The following BEND4 variants were observed in gnomAD, a reference collection of about 807,000 sequenced individuals.
The protein encoded by BEND4 is BEN domain containing 4.
Under a neutral mutation model 54.7 loss-of-function variants are expected in BEND4, and 27 were observed. The ratio of observed to expected loss-of-function variants is 0.49; its 90% CI spans 0.36 to 0.68. The LOEUF is 0.68. BEND4 is among the 30% of genes least tolerant of loss of function. The pLI is 0.00. For missense variants in BEND4, 702 were observed against 697.2 expected (o/e 1.01, Z -0.08); for synonymous variants, 327 against 299.5 (o/e 1.09, Z -0.95).
At position 42,111,151 on chromosome 4, in the gene BEND4, AAAC is replaced by A. The variant is rs1249024682; in HGVS notation, c.*6364_*6366del. ...AAAAGAAATGAGCCTAACACTTAAA[AAAC>A]AACTTACTCTTCTATATAAATTGTT... On this transcript the variant is annotated 3_prime_UTR_variant, in exon 6 of 6. Coordinates refer to ENST00000502486, the MANE Select transcript of BEND4 (RefSeq NM_207406.4). 6.6e-6 allele frequency: 1 copy of A among 152,244 alleles called. No homozygotes were observed. Among genetic ancestry groups the A allele is most frequent in the African/African-American group, 2.4e-5 (1 of 41,458 alleles). 9.4% of individuals were successfully genotyped at this position (152,244 alleles called of 1,614,324 possible).
chr4:42,134,247 T>C (rs1001183909), intron 3 of BEND4, among the ~76,000 whole-genome samples: 10 of 152,214 alleles, frequency 6.6e-5, no homozygotes, highest in Admixed American at 2.6e-4. Flanking sequence ...TGCTATGTAG[T>C]TGTTTTCAAG....
chr4:42,137,828 A>C (rs968969374), intron 3 of BEND4, among the ~76,000 whole-genome samples: 3 of 152,206 alleles, frequency 2.0e-5, no homozygotes, highest in African/African-American at 7.2e-5. Context: ...GAATACCAAC[A>C]CGTATATAAA....
chr4:42,146,495 T>C (rs1192249514), intron 2 of BEND4, among the ~76,000 whole-genome samples: 6 of 152,222 alleles, frequency 3.9e-5, no homozygotes, highest in African/African-American at 1.2e-4. Context: ...ACAAAAATAT[T>C]TGGGTGCCAT....
chr4:42,141,290 CTATTTGGAGAAT>C (rs1720871742), intron 3 of BEND4, among the ~76,000 whole-genome samples: 1 of 152,252 alleles, frequency 6.6e-6, no homozygotes, highest in African/African-American at 2.4e-5. Flanking sequence ...AGCCTCAGCT[CTATTTGGAGAAT>C]TATTTTAAAT....
Position 42,117,571 on chromosome 4 carries a change from C to T in BEND4, c.1552G>A (p.Ala518Thr). 6.2e-7 allele frequency: 1 copy of T among 1,613,170 alleles called. No homozygotes were observed. The highest frequency in any genetic ancestry group is 8.5e-7 in the Non-Finnish European group (1 of 1,179,598). ...TTATTGAAGACTTCATCCTGAGAAGCCTGGTGATCGATCCCTTCATAAAAT... is the reference window on the plus strand; with the variant it reads ...TTATTGAAGACTTCATCCTGAGAAGTCTGGTGATCGATCCCTTCATAAAAT... The part of the protein sequence containing the change: ...GSFYEGIDHQ[A>T]SQDEVFNKSS... Residue 518 changes from alanine to threonine, a missense_variant, in exon 6 of 6, where the codon GCT becomes ACT. Coordinates refer to ENST00000502486, the MANE Select transcript of BEND4 (RefSeq NM_207406.4).
At chr4:42,151,568 G>C (rs1229174880) in intron 2 of BEND4, 89 bp downstream of exon 2, 20 of 1,325,142 alleles carry the variant, frequency 1.5e-5, no homozygotes, top group Admixed American at 7.4e-5. Context: ...GCACGGGTAA[G>C]TGTCGGCGGC....
rs1473320534 is a variant in BEND4, at chr4:42,113,524, G to A, written c.*3994C>T. 6.6e-6 allele frequency: 1 copy of A among 152,106 alleles called. No homozygotes were observed. The highest frequency in any genetic ancestry group is 1.5e-5 in the Non-Finnish European group (1 of 68,034). 9.4% of individuals were successfully genotyped at this position (152,106 alleles called of 1,614,324 possible). A position where few individuals can be genotyped will look rare whatever the true frequency, so the allele number is the denominator to read the frequency against. On this transcript the variant is annotated 3_prime_UTR_variant, in exon 6 of 6. Coordinates refer to ENST00000502486, the MANE Select transcript of BEND4 (RefSeq NM_207406.4). ...GCAACAAGCCATTGAGAGCGGCAGG[G>A]GAATGTAGGAATCATAAACCTACAG...
intron 3 of BEND4, among the ~76,000 whole-genome samples, chr4:42,135,396 A>G (rs887380559): frequency 1.3e-5 from 2 of 152,174 alleles, no homozygotes; most frequent in African/African-American, 4.8e-5. Context: ...TCTTTTTCTT[A>G]AAGTTTCCAC....
intron 3 of BEND4, among the ~76,000 whole-genome samples, chr4:42,133,618 G>A (rs1171851775): frequency 6.6e-6 from 1 of 152,204 alleles, no homozygotes; most frequent in Non-Finnish European, 1.5e-5. Context: ...ACTTTGGGAT[G>A]CTGAGGCGGG....
chr4:42,125,387 T>C (rs1720233172), intron 4 of BEND4, among the ~76,000 whole-genome samples, 196 bp downstream of exon 4: 1 of 152,232 alleles, frequency 6.6e-6, no homozygotes, highest in Non-Finnish European at 1.5e-5. Context: ...CCCCACTTAG[T>C]ACATGCAGCT....
Position 42,120,220 on chromosome 4 carries a change from T to G in BEND4, c.1221A>C (p.Ser407=), listed in dbSNP as rs771106203. Residue 407 remains serine (S), a synonymous_variant, in exon 5 of 6, where the codon TCA becomes TCC. Coordinates refer to ENST00000502486, the MANE Select transcript of BEND4 (RefSeq NM_207406.4). ...SKQWDEAVNS[S]KKDGRRLLRY... ...GAAGGAGCCGTCTCCCATCTTTCTT[T>G]GAAGAATTTACAGCCTCATCCCACT... 6.2e-6 allele frequency: 10 copies of G among 1,613,832 alleles called. No individual in the cohort carries two copies. Among genetic ancestry groups the G allele is most frequent in the African/African-American group, 1.3e-5 (1 of 74,920 alleles).
At chr4:42,150,683 G>C (rs1260928920) in intron 2 of BEND4, among the ~76,000 whole-genome samples, 1 of 152,244 alleles carries the variant, frequency 6.6e-6, no homozygotes, top group Non-Finnish European at 1.5e-5. Flanking sequence ...CTTGGGCGCA[G>C]GCCTCAGGCT....
At chr4:42,125,731 A>G in intron 3 of BEND4, 57 bp from the exon 4 acceptor site, 1 of 1,221,140 alleles carries the variant, frequency 8.2e-7, no homozygotes, top group Non-Finnish European at 1.1e-6. Context: ...ATGAAAATAA[A>G]TAAATTTTTT....
intron 3 of BEND4, among the ~76,000 whole-genome samples, chr4:42,132,327 T>A (rs1025865899): frequency 6.6e-6 from 1 of 151,912 alleles, no homozygotes; most frequent in African/African-American, 2.4e-5. Flanking sequence ...GAAGAGAGAG[T>A]GAGTCTTGGC....
In BEND4 at chr4:42,111,671, T is replaced by A. The variant is rs1396573026; in HGVS notation, c.*5847A>T. 6.6e-6 allele frequency: 1 copy of A among 152,224 alleles called. No individual in the cohort carries two copies. The highest frequency in any genetic ancestry group is 1.5e-5 in the Non-Finnish European group (1 of 68,046). The allele number at this position is 152,224 out of a possible 1,614,324, so 9.4% of individuals were successfully genotyped here. ...CACAACAGTTCTCACAGTGACATCA[T>A]AAATTAAAACTCTCTCTTCCAAACC... On this transcript the variant is annotated 3_prime_UTR_variant, in exon 6 of 6. Coordinates refer to ENST00000502486, the MANE Select transcript of BEND4 (RefSeq NM_207406.4).
At chr4:42,129,877 A>T (rs2153145745) in intron 3 of BEND4, among the ~76,000 whole-genome samples, 2 of 152,346 alleles carry the variant, frequency 1.3e-5, no homozygotes, top group Non-Finnish European at 2.9e-5. Flanking sequence ...GTCAAAAGCA[A>T]TTGCCACAAA....
intron 3 of BEND4, among the ~76,000 whole-genome samples, chr4:42,139,729 G>A (rs1430331627): frequency 2.0e-5 from 3 of 152,012 alleles, no homozygotes; most frequent in East Asian, 3.8e-4. Context: ...TGAGCGTTGC[G>A]TTCTCCTTTG....
intron 3 of BEND4, among the ~76,000 whole-genome samples, chr4:42,137,178 A>T (rs940579190): frequency 6.6e-6 from 1 of 152,208 alleles, no homozygotes; most frequent in Non-Finnish European, 1.5e-5. Flanking sequence ...AATGATATTA[A>T]TATTTGCTGT....
At chr4:42,120,391 A>G in intron 4 of BEND4, 97 bp from the exon 5 acceptor site, 2 of 1,453,922 alleles carry the variant, frequency 1.4e-6, no homozygotes, top group South Asian at 2.7e-5. Flanking sequence ...TTTTTAACCA[A>G]GTGGCTATGC....
Sources: gnomAD v4.1 joint callset for allele counts (sites outside exome capture counted in the v4.1 genomes callset) on GRCh38, gnomAD v4.1.1 for gene constraint, MANE v1.5 for transcripts, NCBI Gene and HGNC (gene_info 2026-07-23, HGNC 2026-07-21) for gene names.